ZNF98: variants seen among roughly 807,000 people sequenced by gnomAD.
ZNF98 encodes zinc finger protein 98.
A neutral mutation model predicts 12.8 loss-of-function variants in ZNF98; 8 were observed. The ratio of observed to expected loss-of-function variants is 0.63; its 90% CI spans 0.37 to 1.13. The LOEUF (loss-of-function observed/expected upper bound fraction) is 1.13, where lower values mean the gene tolerates loss of function less well. ZNF98 is among the 50% of genes most tolerant of loss of function. The pLI, the probability that ZNF98 is intolerant of heterozygous loss-of-function variation, is 0.01. For missense variants in ZNF98, 379 were observed against 666.1 expected, an observed-to-expected ratio of 0.57 and a Z score of 4.74; for synonymous variants, 112 against 223.5, an observed-to-expected ratio of 0.50 and a Z score of 4.45.
rs201817362 is a variant in ZNF98 at position 22,391,392 on chromosome 19, G to A, written c.*124C>T. On this transcript the variant is annotated 3_prime_UTR_variant, in exon 4 of 4. Coordinates refer to ENST00000357774, the MANE Select transcript of ZNF98 (RefSeq NM_001098626.2). ...TATAAAGGCTTTCCTGTGCAATAAG[G>A]TTTGAGCATTGTGTAAGTTTTGCCA... 164 of 1,473,730 alleles carry A rather than the reference G, an allele frequency of 1.1e-4. 1 individual carries two copies. In the East Asian group the frequency reaches 1.2e-3, roughly 11 times the overall value. 91.3% of individuals were successfully genotyped at this position (1,473,730 alleles called of 1,614,324 possible). A position where few individuals can be genotyped will look rare whatever the true frequency, so the allele number is the denominator to read the frequency against.
At chr19:22,398,777 T>A (rs1969425399) in intron 3 of ZNF98, among the ~76,000 whole-genome samples, 1 of 152,124 alleles carries the variant, frequency 6.6e-6, no homozygotes, top group South Asian at 2.1e-4. Context: ...TACCTTCAAG[T>A]CACAAAAGTG....
rs1474179408 is a variant in ZNF98, at chr19:22,392,599, A to G, written c.636T>C (p.Cys212=). Reference sequence around the variant, plus strand: ...CATTATAGGCTTTCCCACATTCTTTACATTTGTAGGGTTTCTCTCCACTAT... The same window carrying G: ...CATTATAGGCTTTCCCACATTCTTTGCATTTGTAGGGTTTCTCTCCACTAT... ...RIHSGEKPYK[C]KECGKAYNEA... The change falls in exon 4 of 4, where the codon TGT becomes TGC. Residue 212 remains cysteine (C), a synonymous_variant. Coordinates refer to ENST00000357774, the MANE Select transcript of ZNF98 (RefSeq NM_001098626.2). The G allele has an allele frequency of 1.9e-6, 3 of 1,608,812 alleles. No individual in the cohort carries two copies. Among genetic ancestry groups the G allele is most frequent in the African/African-American group, 1.3e-5 (1 of 74,846 alleles).
intron 3 of ZNF98, among the ~76,000 whole-genome samples, chr19:22,395,178 G>GAAAAAA (rs71180538): frequency 8.4e-3 from 833 of 99,096 alleles, no homozygotes; most frequent in Non-Finnish European, 0.013. Flanking sequence ...GTTTCAAAAA[G>GAAAAAA]AAAAAAAAAA....
In ZNF98 at chr19:22,403,395, C is replaced by T. The variant is rs1441816516; in HGVS notation, c.148G>A (p.Val50Ile). ...NVMLENYRNL[V>I]FVGIAASKPD... The stretch of plus-strand genomic sequence containing the variant: ...TTGAAGTTATCCTCACCCACAAAGA[C>T]CAGGTTTCTGTAGTTCTCTAACATC... Residue 50 changes from valine to isoleucine, a missense_variant, in exon 2 of 4, where the codon GTC (valine) becomes ATC (isoleucine). Coordinates refer to ENST00000357774, the MANE Select transcript of ZNF98 (RefSeq NM_001098626.2). 6.4e-7 allele frequency: 1 copy of T among 1,570,332 alleles called. No individual in the cohort carries two copies. The highest frequency in any genetic ancestry group is 1.9e-5 in the Admixed American group (1 of 53,466).
chr19:22,404,230 AAAG>A (rs1180985457), intron 1 of ZNF98, among the ~76,000 whole-genome samples: 12 of 152,354 alleles, frequency 7.9e-5, no homozygotes, highest in Admixed American at 7.8e-4. Context: ...AAAATAAAAA[AAAG>A]AAAAGAAAAT....
intron 3 of ZNF98, among the ~76,000 whole-genome samples, chr19:22,396,370 C>T (rs929766599): frequency 1.3e-5 from 2 of 150,366 alleles, no homozygotes; most frequent in African/African-American, 4.9e-5. Context: ...CAAGGTGCCA[C>T]CAAAAAAAAA....
intron 3 of ZNF98, among the ~76,000 whole-genome samples, chr19:22,399,129 A>G (rs1969429957): frequency 2.6e-5 from 4 of 152,324 alleles, no homozygotes; most frequent in Admixed American, 2.0e-4. Flanking sequence ...ATATGAAACT[A>G]AAAAATAATA....
At chr19:22,416,463 C>A (rs754482470) in intron 1 of ZNF98, among the ~76,000 whole-genome samples, 4 of 151,470 alleles carry the variant, frequency 2.6e-5, no homozygotes, top group Admixed American at 6.6e-5. Flanking sequence ...AGCAAGACTC[C>A]GTCTCAACAA....
intron 3 of ZNF98, 190 bp downstream of exon 3, chr19:22,402,599 T>A (rs368978763): frequency 3.6e-6 from 2 of 558,152 alleles, no homozygotes; most frequent in African/African-American, 4.0e-5. Context: ...GTAAAATCTT[T>A]AGAGATTTTA....
At position 22,391,701 on chromosome 19, in the gene ZNF98, G is replaced by A. The variant is rs774312672; in HGVS notation, c.1534C>T (p.His512Tyr). 5.0e-6 allele frequency: 8 copies of A among 1,613,914 alleles called. No homozygotes were observed. Among genetic ancestry groups the A allele is most frequent in the Non-Finnish European group, 2.5e-6 (3 of 1,179,954 alleles). ...SSHLTTHKMI[H>Y]TGEKPYKCEE... ...CACTTGTAGGGTTTCTCTCCAGTAT[G>A]AATCATCTTATGTGTAGTAAGGTGT... The change falls in exon 4 of 4, where the codon CAT becomes TAT. Residue 512 changes from histidine to tyrosine, a missense_variant. Physicochemically the swap from His to Tyr is moderately conservative, Grantham distance 83 (BLOSUM62 2). Around this residue, in one of 8 missense-constraint regions of ZNF98, gnomAD observed 59 missense variants for 50.3 expected, o/e 1.17. Coordinates refer to ENST00000357774, the MANE Select transcript of ZNF98 (RefSeq NM_001098626.2).
chr19:22,404,398 G>A (rs56105818), intron 1 of ZNF98, among the ~76,000 whole-genome samples: 17,581 of 136,626 alleles, frequency 0.13, no homozygotes, highest in African/African-American at 0.25. Context: ...GAGAGCTTTC[G>A]TTTTCCAAAG....
Position 22,392,806 on chromosome 19 carries a change from G to A in ZNF98, c.429C>T (p.Asn143=). 6.2e-7 allele frequency: 1 copy of A among 1,612,644 alleles called. No individual in the cohort carries two copies. The highest frequency in any genetic ancestry group is 8.5e-7 in the Non-Finnish European group (1 of 1,179,566). ...KVHKECYNGL[N]QCLTTTQNKI... ...TGTTCTGGGTAGTTGTCAAACACTG[G>A]TTAAGTCCATTGTAACATTCTTTGT... Residue 143 remains asparagine (N), a synonymous_variant, in exon 4 of 4, where the codon AAC becomes AAT. Transcript: ENST00000357774.
At chr19:22,400,692 C>T (rs183829786) in intron 3 of ZNF98, among the ~76,000 whole-genome samples, 23 of 152,250 alleles carry the variant, frequency 1.5e-4, no homozygotes, top group East Asian at 7.8e-4. Flanking sequence ...CGGTGGCTCA[C>T]GCCTGTAATC....
intron 1 of ZNF98, among the ~76,000 whole-genome samples, chr19:22,419,529 T>C (rs534613293): frequency 6.6e-5 from 10 of 152,338 alleles, no homozygotes; most frequent in East Asian, 1.9e-4. Context: ...TTGATTTCCA[T>C]TGTCAGAGTT....
rs1969480095 is a variant in ZNF98, at chr19:22,403,267, AAAAC to A, written c.157+115_157+118del. On this transcript the variant is annotated intron_variant, in intron 2 of 3. Transcript: ENST00000357774. ...AGACAAATCTTGAAGTTAAAAAAAAAAAACAAAAAAAAAAAACAGAGATCTGAAA... is the reference window on the plus strand; with the variant it reads ...AGACAAATCTTGAAGTTAAAAAAAAAAAAAAAAAAAAACAGAGATCTGAAA... 6.2e-6 allele frequency: 8 copies of A among 1,300,724 alleles called. 1 individual carries two copies. The highest frequency in any genetic ancestry group is 8.3e-6 in the Non-Finnish European group (8 of 963,684). The allele number at this position is 1,300,724 out of a possible 1,614,324, so 80.6% of individuals were successfully genotyped here.
chr19:22,398,121 T>A (rs909257975), intron 3 of ZNF98, among the ~76,000 whole-genome samples: 1 of 151,994 alleles, frequency 6.6e-6, no homozygotes, highest in African/African-American at 2.4e-5. Context: ...TATTACTCAG[T>A]TTGAAAAAAA....
At chr19:22,404,681 A>G (rs1237567769) in intron 1 of ZNF98, among the ~76,000 whole-genome samples, 5 of 152,264 alleles carry the variant, frequency 3.3e-5, no homozygotes, top group African/African-American at 7.2e-5. Context: ...GAATTTAATC[A>G]TAAAGAAACA....
rs1382969532 is a variant in ZNF98, at chr19:22,391,809, T to C, written c.1426A>G (p.Thr476Ala). ...ECGKAFNQSS[T>A]LSKHKVIHTG... Reference sequence around the variant, plus strand: ...TGAATTACCTTATGTTTAGAAAGAGTTGAGGACTGGTTAAAAGCTTTGCCA... The same window carrying C: ...TGAATTACCTTATGTTTAGAAAGAGCTGAGGACTGGTTAAAAGCTTTGCCA... Residue 476 changes from threonine (T) to alanine (A), a missense_variant, in exon 4 of 4, where the codon ACT (threonine) becomes GCT (alanine). This residue lies in a region of ZNF98 where 15 missense variants were observed against 28.7 expected (regional missense o/e 0.52). Transcript: ENST00000357774. The C allele has an allele frequency of 6.3e-6, 10 of 1,594,086 alleles. No individual in the cohort carries two copies. The African/African-American group carries it at 6.9e-5, about 11-fold the overall frequency.
At position 22,391,315 on chromosome 19, in the gene ZNF98, ATAT is replaced by A; in HGVS notation, c.*198_*200del. 9.0e-7 allele frequency: 1 copy of A among 1,106,896 alleles called. No individual in the cohort carries two copies. Among genetic ancestry groups the A allele is most frequent in the Non-Finnish European group, 1.3e-6 (1 of 795,888 alleles). The allele number at this position is 1,106,896 out of a possible 1,614,324, so 68.6% of individuals were successfully genotyped here. A position where few individuals can be genotyped will look rare whatever the true frequency, so the allele number is the denominator to read the frequency against. On this transcript the variant is annotated 3_prime_UTR_variant, in exon 4 of 4. Transcript: ENST00000357774. ...CTGATGCTGAATAAGATGTGTGCAG[ATAT>A]TAATCACTTTTTTACTTTCTTTATA...
Sources: allele counts gnomAD v4.1 joint callset (sites outside exome capture counted in the v4.1 genomes callset), GRCh38; gene constraint gnomAD v4.1.1; regional missense constraint gnomAD v4.1.1; transcripts MANE v1.5; gene names NCBI Gene and HGNC (gene_info 2026-07-23, HGNC 2026-07-21).